The following WDFY2 variants were observed in gnomAD, a reference collection of about 807,000 sequenced individuals.
The protein encoded by WDFY2 is WD repeat and FYVE domain-containing protein 2.
Under a neutral mutation model 56.4 loss-of-function variants are expected in WDFY2, and 36 were observed. The ratio of observed to expected loss-of-function variants is 0.64; its 90% CI spans 0.49 to 0.84. The LOEUF is 0.84. WDFY2 is among the 40% of genes least tolerant of loss of function. The probability of loss-of-function intolerance (pLI) is 0.00; values close to 1 mark genes in which losing one functional copy is unlikely to be tolerated. For synonymous variants in WDFY2, 176 were observed against 183.7 expected, an observed-to-expected ratio of 0.96 and a Z score of 0.34; for missense variants, 444 against 512.2, an observed-to-expected ratio of 0.87 and a Z score of 1.29.
At chr13:51,598,905 CTT>C (rs569169884) in intron 1 of WDFY2, among the ~76,000 whole-genome samples, 8 of 115,742 alleles carry the variant, frequency 6.9e-5, no homozygotes, top group Non-Finnish European at 7.2e-5. Flanking sequence ...GTGCCATTTA[CTT>C]TTTTTTTTTT....
intron 1 of WDFY2, among the ~76,000 whole-genome samples, chr13:51,599,817 A>G (rs985120744): frequency 2.0e-5 from 3 of 152,078 alleles, no homozygotes; most frequent in Non-Finnish European, 2.9e-5. Flanking sequence ...AAGTTGCATA[A>G]TTTTATGAAG....
At chr13:51,755,494 A>T in intron 9 of WDFY2, 35 bp downstream of exon 9, 2 of 1,587,864 alleles carry the variant, frequency 1.3e-6, no homozygotes, top group Non-Finnish European at 1.7e-6. Context: ...AAATGTAATT[A>T]TATGGAAATA....
At chr13:51,681,234 G>A (rs1473655009) in intron 3 of WDFY2, among the ~76,000 whole-genome samples, 8 of 152,172 alleles carry the variant, frequency 5.3e-5, no homozygotes, top group Admixed American at 5.2e-4. Context: ...CTTCAAAACA[G>A]CAGTGTAATA....
chr13:51,614,790 A>G (rs1033844449), intron 1 of WDFY2, among the ~76,000 whole-genome samples: 1 of 152,204 alleles, frequency 6.6e-6, no homozygotes, highest in African/African-American at 2.4e-5. Flanking sequence ...CCTGAACACA[A>G]TTGGAATTCT....
At chr13:51,712,630 A>G (rs12427805) in intron 4 of WDFY2, among the ~76,000 whole-genome samples, 19,700 of 151,974 alleles carry the variant, frequency 0.13, 1,695 homozygotes, top group African/African-American at 0.22. Context: ...AGGAGAGATC[A>G]GTAGAAGTTC....
Position 51,707,303 on chromosome 13 carries a change from C to T in WDFY2, c.334+3653C>T, listed in dbSNP as rs145246644. On this transcript the variant is annotated intron_variant, in intron 4 of 11. Transcript: ENST00000298125. ...CCTCCCAAGTAGCTGGGACTACAGG[C>T]GTATGCCACCACACCTGGCTAAGTT... Among the ~76,000 whole-genome samples the T allele has an allele frequency of 5.7e-3, 861 of 152,204 alleles. 6 individuals carry two copies. The highest frequency in any genetic ancestry group is 0.019 in the African/African-American group (801 of 41,546).
At chr13:51,728,139 T>G (rs1180297158) in intron 6 of WDFY2, among the ~76,000 whole-genome samples, 2 of 152,222 alleles carry the variant, frequency 1.3e-5, no homozygotes, top group Middle Eastern at 3.2e-3. Flanking sequence ...AAAAGACAGC[T>G]GCCTCGGTCT....
At chr13:51,658,144 A>G (rs922752853) in intron 1 of WDFY2, among the ~76,000 whole-genome samples, 4 of 152,148 alleles carry the variant, frequency 2.6e-5, no homozygotes, top group Non-Finnish European at 5.9e-5. Flanking sequence ...TTACTTGTTG[A>G]GTGCTGTAGT....
chr13:51,601,340 G>A (rs1954278163), intron 1 of WDFY2, among the ~76,000 whole-genome samples: 1 of 151,804 alleles, frequency 6.6e-6, no homozygotes, highest in South Asian at 2.1e-4. Context: ...ATGTACCATC[G>A]GCCAGACACT....
intron 1 of WDFY2, among the ~76,000 whole-genome samples, chr13:51,614,154 C>T (rs1954559334): frequency 6.8e-6 from 1 of 147,660 alleles, no homozygotes; most frequent in African/African-American, 2.5e-5. Context: ...CCACTGCACC[C>T]CAGCCTGGGC....
rs1953563037 is a variant in WDFY2 at position 51,760,936 on chromosome 13, T to C, written c.*1167T>C. 1 of 152,234 alleles carries C rather than the reference T, an allele frequency of 6.6e-6. No individual in the cohort carries two copies. Among genetic ancestry groups the C allele is most frequent in the African/African-American group, 2.4e-5 (1 of 41,448 alleles). The allele number at this position is 152,234 out of a possible 1,614,324, so 9.4% of individuals were successfully genotyped here. A position where few individuals can be genotyped will look rare whatever the true frequency, so the allele number is the denominator to read the frequency against. The stretch of plus-strand genomic sequence containing the variant: ...ACCAGTACCCATCTGCAGCCCAGGG[T>C]TGGGGACCCCCACCATACATGCTCT... On this transcript the variant is annotated 3_prime_UTR_variant, in exon 12 of 12. Transcript: ENST00000298125.
intron 1 of WDFY2, among the ~76,000 whole-genome samples, chr13:51,630,935 C>A (rs1036043484): frequency 6.6e-6 from 1 of 151,372 alleles, no homozygotes; most frequent in Admixed American, 6.6e-5. Context: ...TGTGCCACCA[C>A]GCCCAGCTAA....
intron 3 of WDFY2, among the ~76,000 whole-genome samples, chr13:51,687,030 T>C (rs1235149120): frequency 1.3e-5 from 2 of 150,812 alleles, no homozygotes; most frequent in African/African-American, 4.9e-5. Context: ...AAAACACTAA[T>C]AATGTCACAC....
At chr13:51,652,794 C>T (rs1210258448) in intron 1 of WDFY2, among the ~76,000 whole-genome samples, 1 of 152,224 alleles carries the variant, frequency 6.6e-6, no homozygotes, top group Admixed American at 6.5e-5. Flanking sequence ...TGATGGGCTT[C>T]CCTTTGTGAG....
chr13:51,758,471 A>T (rs1953470556), intron 11 of WDFY2, among the ~76,000 whole-genome samples, 171 bp downstream of exon 11: 1 of 151,260 alleles, frequency 6.6e-6, no homozygotes, highest in Non-Finnish European at 1.5e-5. Flanking sequence ...GGATTGCTTG[A>T]GTCCAGGAGT....
At chr13:51,662,123 A>G (rs1347032403) in intron 2 of WDFY2, among the ~76,000 whole-genome samples, 5 of 152,056 alleles carry the variant, frequency 3.3e-5, no homozygotes, top group Non-Finnish European at 5.9e-5. Flanking sequence ...GGCGCATGCC[A>G]CCACACCCAG....
chr13:51,747,077 G>A (rs974623071), intron 7 of WDFY2, among the ~76,000 whole-genome samples: 1 of 152,232 alleles, frequency 6.6e-6, no homozygotes, highest in Non-Finnish European at 1.5e-5. Context: ...AAAATACTTA[G>A]TACAAATAGT....
At chr13:51,674,404 T>C (rs958204836) in intron 2 of WDFY2, among the ~76,000 whole-genome samples, 2 of 152,166 alleles carry the variant, frequency 1.3e-5, no homozygotes, top group Non-Finnish European at 2.9e-5. Context: ...GCTGACTGTT[T>C]AGTAAGCACT....
rs528503603 is a variant in WDFY2, at chr13:51,727,397, C to A, written c.486-281C>A. ...GCTTATTTATTTTTCCATATGAACA[C>A]TTCTGGCTATAGAAAACAACATGTG... On this transcript the variant is annotated intron_variant, in intron 5 of 11. Coordinates refer to ENST00000298125, the MANE Select transcript of WDFY2 (RefSeq NM_052950.4). Among the ~76,000 whole-genome samples, 75 of 152,238 alleles carry A rather than the reference C, an allele frequency of 4.9e-4. 2 individuals carry two copies. In the South Asian group the frequency reaches 0.015, roughly 31 times the overall value.
Sources: allele counts gnomAD v4.1 joint callset (sites outside exome capture counted in the v4.1 genomes callset), GRCh38; gene constraint gnomAD v4.1.1; transcripts MANE v1.5; gene names NCBI Gene and HGNC (gene_info 2026-07-23, HGNC 2026-07-21).